The following TTC39B variants were observed in gnomAD, a reference collection of about 807,000 sequenced individuals.
The protein encoded by TTC39B is tetratricopeptide repeat domain 39B.
A neutral mutation model predicts 96.6 loss-of-function variants in TTC39B; 92 were observed. That is an observed-to-expected ratio of 0.95 (90% confidence interval 0.80 to 1.13). TTC39B has a LOEUF of 1.13. Ranked by LOEUF, TTC39B falls within the 50% of genes most tolerant of loss-of-function variation. The probability of loss-of-function intolerance (pLI) is 0.00; values close to 1 mark genes in which losing one functional copy is unlikely to be tolerated. For synonymous variants in TTC39B, 367 were observed against 299.4 expected, an observed-to-expected ratio of 1.23 and a Z score of -2.33; for missense variants, 955 against 809.3, an observed-to-expected ratio of 1.18 and a Z score of -2.18.
intron 2 of TTC39B, among the ~76,000 whole-genome samples, chr9:15,256,533 T>C (rs1822757757): frequency 6.6e-6 from 1 of 152,230 alleles, no homozygotes; most frequent in African/African-American, 2.4e-5. Context: ...CCCATCGTTA[T>C]AGAACTTGGA....
chr9:15,227,445 A>G (rs1353533529), intron 2 of TTC39B, among the ~76,000 whole-genome samples: 1 of 152,192 alleles, frequency 6.6e-6, no homozygotes, highest in Non-Finnish European at 1.5e-5. Flanking sequence ...GGATATATCA[A>G]GTTCCCTAAA....
At chr9:15,184,159 A>T (rs1049481049) in intron 16 of TTC39B, among the ~76,000 whole-genome samples, 1 of 152,216 alleles carries the variant, frequency 6.6e-6, no homozygotes, top group African/African-American at 2.4e-5. Flanking sequence ...CACATCCACA[A>T]GGAAATGCAA....
intron 7 of TTC39B, among the ~76,000 whole-genome samples, chr9:15,200,777 G>A (rs1819490115): frequency 1.3e-5 from 2 of 152,232 alleles, no homozygotes; most frequent in Admixed American, 1.3e-4. Context: ...GAGGCGGGTG[G>A]ATCACCAGGT....
intron 3 of TTC39B, among the ~76,000 whole-genome samples, chr9:15,220,373 C>T (rs1434523513): frequency 6.6e-6 from 1 of 152,138 alleles, no homozygotes; most frequent in Non-Finnish European, 1.5e-5. Context: ...AGAGGAGGGA[C>T]CCCATAAGCT....
At chr9:15,259,164 T>C (rs1171800008) in intron 2 of TTC39B, among the ~76,000 whole-genome samples, 1 of 152,174 alleles carries the variant, frequency 6.6e-6, no homozygotes, top group Non-Finnish European at 1.5e-5. Context: ...GACACACAAA[T>C]TTTCATCATG....
chr9:15,199,229 T>G (rs958888404), intron 8 of TTC39B, among the ~76,000 whole-genome samples: 8 of 152,210 alleles, frequency 5.3e-5, no homozygotes, highest in African/African-American at 1.9e-4. Context: ...GCAGTGCTGC[T>G]CTGGAGTCTG....
chr9:15,236,240 T>C (rs1455162757), intron 2 of TTC39B, among the ~76,000 whole-genome samples: 2 of 152,226 alleles, frequency 1.3e-5, no homozygotes, highest in Non-Finnish European at 2.9e-5. Context: ...TTATGTATAA[T>C]GATAAAGGAT....
At chr9:15,287,424 C>T (rs1395986353) in intron 1 of TTC39B, among the ~76,000 whole-genome samples, 1 of 152,162 alleles carries the variant, frequency 6.6e-6, no homozygotes, top group East Asian at 1.9e-4. Context: ...ATGATTGTCT[C>T]CAATTGCCAC....
intron 4 of TTC39B, among the ~76,000 whole-genome samples, chr9:15,211,768 CAG>C (rs1453664943): frequency 6.6e-6 from 1 of 152,184 alleles, no homozygotes; most frequent in Non-Finnish European, 1.5e-5. Flanking sequence ...TATTTTTTGA[CAG>C]AGAGATTCTG....
intron 2 of TTC39B, among the ~76,000 whole-genome samples, chr9:15,255,501 A>T (rs894766950): frequency 6.6e-6 from 1 of 152,148 alleles, no homozygotes; most frequent in Non-Finnish European, 1.5e-5. Context: ...AAAGCTCCCA[A>T]GTATATGCTT....
intron 2 of TTC39B, among the ~76,000 whole-genome samples, chr9:15,242,684 C>A (rs957443501): frequency 1.3e-5 from 2 of 152,118 alleles, no homozygotes; most frequent in Non-Finnish European, 2.9e-5. Flanking sequence ...TCCTTCTAGA[C>A]CACCTTCTCT....
At chr9:15,209,200 T>G (rs1204858503) in intron 6 of TTC39B, among the ~76,000 whole-genome samples, 1 of 152,162 alleles carries the variant, frequency 6.6e-6, no homozygotes, top group Admixed American at 6.5e-5. Flanking sequence ...TAGATGCTCC[T>G]TTCTTGTAAA....
At chr9:15,214,931 T>C (rs752918972) in intron 3 of TTC39B, among the ~76,000 whole-genome samples, 14 of 152,170 alleles carry the variant, frequency 9.2e-5, no homozygotes, top group Non-Finnish European at 1.6e-4. Flanking sequence ...AATAAGTAAA[T>C]GAGCAGTAGG....
intron 1 of TTC39B, among the ~76,000 whole-genome samples, chr9:15,279,829 AAC>A (rs1394453312): frequency 6.6e-6 from 1 of 151,984 alleles, no homozygotes; most frequent in Admixed American, 6.6e-5. Flanking sequence ...GGAAACTACA[AAC>A]AGGGCCAAAT....
At chr9:15,175,051 A>G (rs949786911) in exon 19 of TTC39B, 2 of 1,613,620 alleles carry the variant, frequency 1.2e-6, no homozygotes, top group Non-Finnish European at 1.7e-6. Flanking sequence ...TGGCCTTGTC[A>G]ATTTCCCCCT....
At chr9:15,300,817 T>C (rs1388416511) in intron 1 of TTC39B, among the ~76,000 whole-genome samples, 2 of 124,390 alleles carry the variant, frequency 1.6e-5, no homozygotes, top group Admixed American at 2.2e-4. Flanking sequence ...ACCCAGGCTG[T>C]GGGGGCAGAG....
chr9:15,222,647 C>A (rs998896086), intron 3 of TTC39B, among the ~76,000 whole-genome samples: 7 of 152,166 alleles, frequency 4.6e-5, no homozygotes, highest in African/African-American at 1.4e-4. Flanking sequence ...CCAATGCCAA[C>A]CTTGATTTGG....
At chr9:15,250,760 T>C (rs1410153478) in intron 2 of TTC39B, among the ~76,000 whole-genome samples, 2 of 152,200 alleles carry the variant, frequency 1.3e-5, no homozygotes, top group Non-Finnish European at 2.9e-5. Flanking sequence ...CAGCTATACT[T>C]TTTTGGTTTA....
At position 15,187,027 on chromosome 9, in the gene TTC39B, A is replaced by AT. The variant is rs1564322183; in HGVS notation, c.1403dup (p.Tyr468Ter). The AT allele has an allele frequency of 2.5e-6, 4 of 1,611,006 alleles. No individual in the cohort carries two copies. ...TCAAAATTGCTGCTTTCAAGAACAC[A>AT]TAAGTTGCCTTGAGAAAAAGAAGGA... The change falls in exon 15 of 20, where the codon TAT (tyrosine) becomes TAAT (stop). Residue 468 changes from tyrosine (Y) to a stop codon, truncating the protein, a stop_gained and frameshift_variant. Transcript: ENST00000512701. LOFTEE classifies it high-confidence loss of function.
Sources: allele counts gnomAD v4.1 joint callset (sites outside exome capture counted in the v4.1 genomes callset), GRCh38; gene constraint gnomAD v4.1.1; transcripts MANE v1.5; gene names NCBI Gene and HGNC (gene_info 2026-07-23, HGNC 2026-07-21).